The following PLPPR1 variants were observed in gnomAD, a reference collection of about 807,000 sequenced individuals.
The protein encoded by PLPPR1 is phospholipid phosphatase-related protein type 1.
In PLPPR1, 10 loss-of-function variants were observed where a neutral mutation model predicts 33.1. That is an observed-to-expected ratio of 0.30 (90% CI 0.19 to 0.51). The LOEUF (loss-of-function observed/expected upper bound fraction) is 0.51, where lower values mean the gene tolerates loss of function less well. Among genes scored for constraint, PLPPR1 ranks in the 20% least tolerant of loss-of-function variants. PLPPR1 has a pLI of 0.97. For missense variants in PLPPR1, 304 were observed against 408.1 expected (o/e 0.74, Z 2.20); for synonymous variants, 151 against 151.0 (o/e 1.00, Z 0.00).
intron 1 of PLPPR1, among the ~76,000 whole-genome samples, chr9:101,123,588 C>T (rs987700292): frequency 6.6e-6 from 1 of 152,166 alleles, no homozygotes; most frequent in African/African-American, 2.4e-5. Flanking sequence ...GGAGCCCACA[C>T]TATTTATTGG....
intron 1 of PLPPR1, among the ~76,000 whole-genome samples, chr9:101,111,121 A>G (rs1564147740): frequency 4.6e-5 from 7 of 152,306 alleles, no homozygotes; most frequent in Admixed American, 2.6e-4. Flanking sequence ...AAAATGATAT[A>G]TACCAAAACA....
chr9:101,225,365 G>A (rs1423511405), intron 2 of PLPPR1, among the ~76,000 whole-genome samples: 1 of 152,058 alleles, frequency 6.6e-6, no homozygotes, highest in Non-Finnish European at 1.5e-5. Context: ...TCACACTGTG[G>A]CTTCCCTAAA....
intron 1 of PLPPR1, among the ~76,000 whole-genome samples, chr9:101,095,170 T>A (rs1830800940): frequency 6.6e-6 from 1 of 152,228 alleles, no homozygotes; most frequent in Non-Finnish European, 1.5e-5. Flanking sequence ...ACTTCTTCTA[T>A]CCTCATGTGC....
intron 4 of PLPPR1, among the ~76,000 whole-genome samples, chr9:101,306,250 AT>A (rs1828856922): frequency 6.6e-6 from 1 of 152,230 alleles, no homozygotes; most frequent in South Asian, 2.1e-4. Context: ...CAGGAACACG[AT>A]GCCCTTTGTC....
intron 2 of PLPPR1, among the ~76,000 whole-genome samples, chr9:101,224,823 G>A (rs953698): frequency 0.025 from 3,790 of 152,154 alleles, 160 homozygotes; most frequent in African/African-American, 0.087. Context: ...TGAGAGAGTG[G>A]GTGTGGTGTG....
chr9:101,158,935 A>G (rs952918622), intron 1 of PLPPR1, among the ~76,000 whole-genome samples: 1 of 152,206 alleles, frequency 6.6e-6, no homozygotes, highest in African/African-American at 2.4e-5. Flanking sequence ...GAATGGAGGC[A>G]TGGCATTGAA....
chr9:101,223,353 A>G (rs1480891503), intron 2 of PLPPR1, among the ~76,000 whole-genome samples: 1 of 151,684 alleles, frequency 6.6e-6, no homozygotes, highest in Non-Finnish European at 1.5e-5. Context: ...AAAAACCTTA[A>G]TTGGGGAAAT....
intron 7 of PLPPR1, among the ~76,000 whole-genome samples, chr9:101,318,186 A>G (rs770019122): frequency 5.3e-5 from 8 of 152,148 alleles, no homozygotes; most frequent in Non-Finnish European, 1.0e-4. Context: ...TAAATAAATC[A>G]CAGATGATCA....
chr9:101,225,064 CCA>C (rs1415852582), intron 2 of PLPPR1, among the ~76,000 whole-genome samples: 1 of 152,100 alleles, frequency 6.6e-6, no homozygotes, highest in Non-Finnish European at 1.5e-5. Flanking sequence ...GAACTTAACT[CCA>C]GTTTATATTA....
chr9:101,030,370 A>T (rs150467704), intron 1 of PLPPR1, among the ~76,000 whole-genome samples: 1 of 150,720 alleles, frequency 6.6e-6, no homozygotes, highest in Non-Finnish European at 1.5e-5. Context: ...CTGAATTTCT[A>T]TGCCCCTTCT....
At chr9:101,115,065 G>A (rs879607295) in intron 1 of PLPPR1, among the ~76,000 whole-genome samples, 4 of 152,108 alleles carry the variant, frequency 2.6e-5, no homozygotes, top group Admixed American at 2.0e-4. Context: ...TGACACTCTG[G>A]GGCCAGACTG....
At chr9:101,094,595 C>T (rs529672700) in intron 1 of PLPPR1, among the ~76,000 whole-genome samples, 93 of 152,230 alleles carry the variant, frequency 6.1e-4, no homozygotes, top group African/African-American at 2.2e-3. Context: ...AAACATGCAG[C>T]TATACATTAT....
chr9:101,312,663 G>A, intron 5 of PLPPR1, 135 bp from the exon 6 acceptor site: 1 of 614,704 alleles, frequency 1.6e-6, no homozygotes, highest in Non-Finnish European at 2.9e-6. Flanking sequence ...AGTTGTTCAA[G>A]GAATACTAGT....
At chr9:101,127,423 G>A (rs745727967) in intron 1 of PLPPR1, among the ~76,000 whole-genome samples, 7 of 152,362 alleles carry the variant, frequency 4.6e-5, no homozygotes, top group Middle Eastern at 3.4e-3. Context: ...AGCTCTGGGA[G>A]CCCATGCTAT....
chr9:101,114,414 G>C (rs982476317), intron 1 of PLPPR1, among the ~76,000 whole-genome samples: 7 of 152,192 alleles, frequency 4.6e-5, no homozygotes, highest in Admixed American at 3.3e-4. Context: ...CCTTAAACCT[G>C]AAGATCCAGG....
intron 3 of PLPPR1, among the ~76,000 whole-genome samples, chr9:101,278,191 T>C (rs548933210): frequency 1.3e-5 from 2 of 152,350 alleles, no homozygotes; most frequent in East Asian, 3.9e-4. Context: ...TTATAATACA[T>C]CTTTCAGTGA....
At chr9:101,167,141 G>GGTGTGTGTGCGTGTGTGTGTGT (rs1825870034) in intron 1 of PLPPR1, among the ~76,000 whole-genome samples, 1 of 39,648 alleles carries the variant, frequency 2.5e-5, no homozygotes, top group Non-Finnish European at 5.6e-5. Context: ...TATGTCTCTC[G>GGTGTGTGTGCGTGTGTGTGTGT]GTGTGTGTGT....
intron 1 of PLPPR1, among the ~76,000 whole-genome samples, chr9:101,058,392 C>T (rs1830304313): frequency 6.6e-6 from 1 of 152,010 alleles, no homozygotes; most frequent in African/African-American, 2.4e-5. Context: ...GTTTGCAGGT[C>T]CTGCCTGAAC....
At chr9:101,074,719 G>A (rs1365171823) in intron 1 of PLPPR1, among the ~76,000 whole-genome samples, 2 of 151,970 alleles carry the variant, frequency 1.3e-5, no homozygotes, top group South Asian at 2.1e-4. Context: ...ACAGAACACC[G>A]AGAGAATGGT....
Sources: gnomAD v4.1 joint callset for allele counts (sites outside exome capture counted in the v4.1 genomes callset) on GRCh38, gnomAD v4.1.1 for gene constraint, MANE v1.5 for transcripts, NCBI Gene and HGNC (gene_info 2026-07-23, HGNC 2026-07-21) for gene names.